The following MYT1 variants were observed in gnomAD, a reference collection of about 807,000 sequenced individuals.
The protein encoded by MYT1 is myelin transcription factor 1.
MYT1 carries 23 observed loss-of-function variants against 123.0 expected under a neutral mutation model. That is an observed-to-expected ratio of 0.19 (90% confidence interval 0.13 to 0.26). MYT1 has a LOEUF of 0.26. Ranked by LOEUF, MYT1 falls within the 10% of genes least tolerant of loss-of-function variation. MYT1 has a pLI of 1.00. For missense variants in MYT1, 1,125 were observed against 1,472.5 expected, an observed-to-expected ratio of 0.76 and a Z score of 3.86; for synonymous variants, 518 against 575.3, an observed-to-expected ratio of 0.90 and a Z score of 1.43.
At chr20:64,234,388 G>A (rs1984433923) in intron 19 of MYT1, among the ~76,000 whole-genome samples, 1 of 152,190 alleles carries the variant, frequency 6.6e-6, no homozygotes, top group African/African-American at 2.4e-5. Flanking sequence ...GAGAGCAACG[G>A]TGCCCTGGCC....
At chr20:64,194,779 G>A (rs188551016) in intron 2 of MYT1, among the ~76,000 whole-genome samples, 10 of 152,352 alleles carry the variant, frequency 6.6e-5, no homozygotes, top group African/African-American at 2.4e-4. Flanking sequence ...TTGGCACAAA[G>A]CCCGTTGGGC....
At position 64,240,460 on chromosome 20, in the gene MYT1, C is replaced by T; in HGVS notation, c.*12C>T. The T allele has an allele frequency of 6.2e-7, 1 of 1,609,662 alleles. No individual in the cohort carries two copies. The highest frequency in any genetic ancestry group is 8.5e-7 in the Non-Finnish European group (1 of 1,178,566). Reference sequence around the variant, plus strand: ...GCATCCAGGTCTAGGCCGTGTGGTACCCAGAAGTGTCCCAGCCCACCACAC... The same window carrying T: ...GCATCCAGGTCTAGGCCGTGTGGTATCCAGAAGTGTCCCAGCCCACCACAC... On this transcript the variant is annotated 3_prime_UTR_variant, in exon 23 of 23. Coordinates refer to ENST00000328439, the MANE Select transcript of MYT1 (RefSeq NM_004535.3).
chr20:64,198,201 G>T lies in MYT1; in HGVS notation c.1-661G>T, dbSNP rs200658156. Among the ~76,000 whole-genome samples, 76 of 151,044 alleles carry T rather than the reference G, an allele frequency of 5.0e-4. 3 individuals are homozygous for T. The East Asian group carries it at 0.014, about 27-fold the overall frequency. On this transcript the variant is annotated intron_variant, in intron 2 of 22. Transcript: ENST00000328439. ...ACTCGGGAGGCTGAGGCAGGAGAAT[G>T]GCGTGAACCCGGGAGGCGGAGCTTG...
chr20:64,237,140 C>A, intron 20 of MYT1, 147 bp from the exon 21 acceptor site: 1 of 620,694 alleles, frequency 1.6e-6, no homozygotes, highest in Non-Finnish European at 2.8e-6. Flanking sequence ...GGGTATGAGC[C>A]CCAGAGAGAG....
chr20:64,230,961 G>C (rs1302623583), intron 18 of MYT1, among the ~76,000 whole-genome samples: 1 of 152,168 alleles, frequency 6.6e-6, no homozygotes, highest in African/African-American at 2.4e-5. Flanking sequence ...TGCCCTCCCT[G>C]TCCAGGCCTT....
At chr20:64,224,955 C>G (rs1341684571) in intron 16 of MYT1, among the ~76,000 whole-genome samples, 1 of 152,134 alleles carries the variant, frequency 6.6e-6, no homozygotes, top group Non-Finnish European at 1.5e-5. Context: ...AGAGTTAGTG[C>G]TTTTTTAAGA....
chr20:64,238,983 A>G (rs1853072909), intron 21 of MYT1, among the ~76,000 whole-genome samples: 1 of 152,190 alleles, frequency 6.6e-6, no homozygotes. Context: ...TGGCAGAAGA[A>G]GCGTGCTTGA....
chr20:64,241,302 G>C lies in MYT1; in HGVS notation c.*854G>C, dbSNP rs1246185987. 2 of 152,274 alleles carry C rather than the reference G, an allele frequency of 1.3e-5. No homozygotes were observed. Among genetic ancestry groups the C allele is most frequent in the Non-Finnish European group, 2.9e-5 (2 of 68,052 alleles). The allele number at this position is 152,274 out of a possible 1,614,324, so 9.4% of individuals were successfully genotyped here. A position where few individuals can be genotyped will look rare whatever the true frequency, so the allele number is the denominator to read the frequency against. On this transcript the variant is annotated 3_prime_UTR_variant, in exon 23 of 23. Coordinates refer to ENST00000328439, the MANE Select transcript of MYT1 (RefSeq NM_004535.3). The surrounding 1 kb of genome is among the most constrained non-coding windows in gnomAD (Gnocchi z 4.2). ...CCTCTGCATCCATGGTGACGGAGGT[G>C]GCAATGACATCATCAAGGTCAGAGG...
intron 2 of MYT1, among the ~76,000 whole-genome samples, chr20:64,197,188 G>A (rs1047032919): frequency 6.6e-5 from 10 of 152,310 alleles, no homozygotes; most frequent in East Asian, 1.9e-4. Flanking sequence ...GCCTGGAGTC[G>A]GCAGGTTGCA....
intron 2 of MYT1, among the ~76,000 whole-genome samples, chr20:64,194,684 T>A (rs1339609066): frequency 6.6e-6 from 1 of 151,832 alleles, no homozygotes; most frequent in African/African-American, 2.4e-5. Flanking sequence ...AGGGAGTCCG[T>A]GAGTGAGTGA....
chr20:64,222,193 A>C, intron 14 of MYT1, 146 bp downstream of exon 14: 1 of 797,470 alleles, frequency 1.3e-6, no homozygotes, highest in Non-Finnish European at 2.0e-6. Flanking sequence ...AGCCTGTGAC[A>C]GGAGCCAGGG....
At chr20:64,176,995 C>T (rs1202332251) in intron 1 of MYT1, among the ~76,000 whole-genome samples, 2 of 152,202 alleles carry the variant, frequency 1.3e-5, no homozygotes, top group Non-Finnish European at 2.9e-5. Context: ...AAAGACTCAG[C>T]CACAGTAACT....
In MYT1 at chr20:64,185,628, C is replaced by T. The variant is rs1041365890; in HGVS notation, c.-98-4435C>T. Among the ~76,000 whole-genome samples, 7 of 152,184 alleles carry T rather than the reference C, an allele frequency of 4.6e-5. No homozygotes were observed. The highest frequency in any genetic ancestry group is 1.4e-4 in the African/African-American group (6 of 41,438). On this transcript the variant is annotated intron_variant, in intron 1 of 22. Transcript: ENST00000328439. The surrounding 1 kb of genome is among the most constrained non-coding windows in gnomAD (Gnocchi z 4.5). ...GCTAACTGCCACAGGGACTCCCATC[C>T]GGAGGCCCAGGGGATGCACCATGGG...
At chr20:64,194,929 T>A (rs1261540867) in intron 2 of MYT1, among the ~76,000 whole-genome samples, 1 of 152,156 alleles carries the variant, frequency 6.6e-6, no homozygotes, top group Non-Finnish European at 1.5e-5. Flanking sequence ...GGAGTCTTGC[T>A]CTGTCACCCA....
intron 12 of MYT1, 22 bp downstream of exon 12, chr20:64,219,057 C>A (rs1472814518): frequency 6.3e-6 from 10 of 1,596,304 alleles, no homozygotes; most frequent in Non-Finnish European, 7.7e-6. Flanking sequence ...TGCCACAGAG[C>A]CTTTCTTGGG....
At chr20:64,198,793 C>A in intron 2 of MYT1, 69 bp from the exon 3 acceptor site, 3 of 1,550,864 alleles carry the variant, frequency 1.9e-6, no homozygotes, top group Non-Finnish European at 1.8e-6. Flanking sequence ...GCCAGACATT[C>A]CTGATGGCTC....
In MYT1 at chr20:64,239,762, C is replaced by T; in HGVS notation, c.3096C>T (p.Ile1032=). 4 of 1,613,900 alleles carry T rather than the reference C, an allele frequency of 2.5e-6. No individual in the cohort carries two copies. The South Asian group carries it at 3.3e-5, about 13-fold the overall frequency. The part of the protein sequence containing the change: ...EAAMVQLQSQ[I]SSMEKNLKNI... ...CTTCGAATCTCTCTCTGGCACAGAT[C>T]TCCTCCATGGAGAAGAACCTGAAGA... is the stretch of plus-strand genomic sequence containing the variant. The change falls in exon 22 of 23, where the codon ATC becomes ATT. Residue 1032 remains isoleucine, a splice_region_variant and synonymous_variant. Transcript: ENST00000328439.
intron 12 of MYT1, 47 bp from the exon 13 acceptor site, chr20:64,219,666 A>G (rs768466816): frequency 5.9e-6 from 9 of 1,518,948 alleles, no homozygotes; most frequent in Non-Finnish European, 8.1e-6. Flanking sequence ...GAAGGCACAC[A>G]TGGGAAGGGA....
intron 4 of MYT1, among the ~76,000 whole-genome samples, 195 bp from the exon 5 acceptor site, chr20:64,204,840 T>C (rs76731646): frequency 4.0e-3 from 609 of 152,338 alleles, no homozygotes; most frequent in Admixed American, 6.2e-3. Context: ...CAGTCTTTAA[T>C]TGAACACTCG....
Sources: gnomAD v4.1 joint callset for allele counts (sites outside exome capture counted in the v4.1 genomes callset) on GRCh38, gnomAD v4.1.1 for gene constraint, Gnocchi (gnomAD v3.1) non-coding constraint, MANE v1.5 for transcripts, NCBI Gene and HGNC (gene_info 2026-07-23, HGNC 2026-07-21) for gene names.